The following CHL1 variants were observed in gnomAD, a reference collection of about 807,000 sequenced individuals.
CHL1 encodes neural cell adhesion molecule L1-like protein.
A neutral mutation model predicts 141.9 loss-of-function variants in CHL1; 96 were observed. That is an observed-to-expected ratio of 0.68 (90% confidence interval 0.57 to 0.80). The LOEUF is 0.80. Among genes scored for constraint, CHL1 ranks in the 30% least tolerant of loss-of-function variants. CHL1 has a pLI of 0.00. For missense variants in CHL1, 1,820 were observed against 1,457.2 expected (o/e 1.25, Z -4.05); for synonymous variants, 613 against 502.2 (o/e 1.22, Z -2.95).
At chr3:390,214 T>C (rs1708108251) in intron 20 of CHL1, among the ~76,000 whole-genome samples, 1 of 152,232 alleles carries the variant, frequency 6.6e-6, no homozygotes, top group Non-Finnish European at 1.5e-5. Context: ...GACTGCTCTG[T>C]ATTTGGCTTA....
intron 2 of CHL1, among the ~76,000 whole-genome samples, chr3:306,020 A>C (rs1699197111): frequency 1.3e-5 from 2 of 152,212 alleles, no homozygotes; most frequent in Admixed American, 6.5e-5. Flanking sequence ...ACTGGTTATC[A>C]TGCAAATGAA....
chr3:369,605 A>G (rs1368826967), intron 15 of CHL1, among the ~76,000 whole-genome samples: 1 of 152,192 alleles, frequency 6.6e-6, no homozygotes, highest in East Asian at 1.9e-4. Flanking sequence ...CTTTTGCCTG[A>G]TGGCCCTGGC....
At chr3:297,221 GT>G (rs1313783033) in intron 2 of CHL1, among the ~76,000 whole-genome samples, 9 of 151,928 alleles carry the variant, frequency 5.9e-5, no homozygotes, top group African/African-American at 2.2e-4. Flanking sequence ...GTGAGACCTC[GT>G]CTTAAGAAAA....
intron 1 of CHL1, among the ~76,000 whole-genome samples, chr3:220,733 T>C (rs1052097459): frequency 6.6e-6 from 1 of 152,214 alleles, no homozygotes; most frequent in Non-Finnish European, 1.5e-5. Flanking sequence ...TTTATTAGAC[T>C]ACAACAATGA....
At chr3:373,522 C>G (rs1312629476) in intron 15 of CHL1, 3 of 152,542 alleles carry the variant, frequency 2.0e-5, no homozygotes, top group Non-Finnish European at 4.4e-5. Context: ...AATGTTGCCT[C>G]TCCCCCACCC....
intron 26 of CHL1, among the ~76,000 whole-genome samples, chr3:400,889 C>G (rs1485505598): frequency 7.2e-6 from 1 of 139,750 alleles, no homozygotes; most frequent in East Asian, 2.2e-4. Flanking sequence ...GTATAACAAC[C>G]AAATGACTGC....
chr3:405,411 T>A, intron 27 of CHL1, 84 bp from the exon 28 acceptor site: 2 of 896,276 alleles, frequency 2.2e-6, no homozygotes, highest in South Asian at 1.6e-5. Context: ...AATTATAAAA[T>A]CTTTTATCAC....
chr3:337,903 G>A (rs1380469076), intron 5 of CHL1, among the ~76,000 whole-genome samples: 2 of 152,178 alleles, frequency 1.3e-5, no homozygotes, highest in African/African-American at 4.8e-5. Flanking sequence ...TGGGATGGCT[G>A]GGTCAAATGG....
intron 11 of CHL1, among the ~76,000 whole-genome samples, chr3:358,540 T>C (rs1322862709): frequency 6.6e-6 from 1 of 152,212 alleles, no homozygotes; most frequent in African/African-American, 2.4e-5. Flanking sequence ...TTGTTTTGCC[T>C]ACTTACAGGG....
chr3:291,458 TTTTC>T (rs1215307571), intron 2 of CHL1, among the ~76,000 whole-genome samples: 3 of 151,444 alleles, frequency 2.0e-5, no homozygotes, highest in East Asian at 1.9e-4. Flanking sequence ...TTCTTTTTCT[TTTTC>T]TTTTTTTTAA....
intron 1 of CHL1, among the ~76,000 whole-genome samples, chr3:214,835 ACT>A (rs1223392743): frequency 4.6e-5 from 7 of 152,152 alleles, no homozygotes; most frequent in Non-Finnish European, 1.0e-4. Flanking sequence ...AAATATTATA[ACT>A]CTGTCTTCTG....
intron 9 of CHL1, among the ~76,000 whole-genome samples, chr3:347,744 A>T (rs1016049084): frequency 6.6e-6 from 1 of 152,206 alleles, no homozygotes; most frequent in Non-Finnish European, 1.5e-5. Flanking sequence ...TGAGCTATGC[A>T]TCCTCTTAGG....
At chr3:338,817 G>C (rs1224250672) in intron 5 of CHL1, among the ~76,000 whole-genome samples, 1 of 152,094 alleles carries the variant, frequency 6.6e-6, no homozygotes, top group Non-Finnish European at 1.5e-5. Context: ...TACATTTTCA[G>C]AATTAGAATT....
intron 12 of CHL1, 53 bp downstream of exon 12, chr3:360,477 C>T: frequency 6.3e-7 from 1 of 1,581,850 alleles, no homozygotes; most frequent in African/African-American, 1.3e-5. Flanking sequence ...GGAAAGTGGT[C>T]AAGGTCATGT....
At chr3:329,282 A>G (rs974067284) in intron 5 of CHL1, among the ~76,000 whole-genome samples, 8 of 152,092 alleles carry the variant, frequency 5.3e-5, no homozygotes, top group African/African-American at 1.7e-4. Flanking sequence ...AGTCCTAGAT[A>G]TGAAAGTATT....
chr3:272,898 A>G (rs1401678400), intron 2 of CHL1, among the ~76,000 whole-genome samples: 1 of 152,190 alleles, frequency 6.6e-6, no homozygotes, highest in Non-Finnish European at 1.5e-5. Context: ...TTATGAGAGC[A>G]ACAGTCTAAT....
chr3:332,043 T>TCG lies in CHL1; in HGVS notation c.385+3690_385+3691insGC, dbSNP rs879633956. On this transcript the variant is annotated intron_variant, in intron 5 of 27. Coordinates refer to ENST00000256509, the MANE Select transcript of CHL1 (RefSeq NM_006614.4). ...TAATCCCCTCCTTCGTTGAAGATGC[T>TCG]CTTACTTATGACCAAACAATTCCGT... Among the ~76,000 whole-genome samples, 1,139 of 152,352 alleles carry TCG rather than the reference T, an allele frequency of 7.5e-3. 15 individuals carry two copies. The highest frequency in any genetic ancestry group is 0.026 in the African/African-American group (1,084 of 41,568).
At chr3:198,829 A>G (rs1359524669) in intron 1 of CHL1, among the ~76,000 whole-genome samples, 2 of 152,228 alleles carry the variant, frequency 1.3e-5, no homozygotes, top group Admixed American at 6.5e-5. Context: ...GAATATTTGT[A>G]CTGCACAGTC....
At chr3:228,016 T>C (rs1374822526) in intron 1 of CHL1, among the ~76,000 whole-genome samples, 1 of 152,176 alleles carries the variant, frequency 6.6e-6, no homozygotes, top group Non-Finnish European at 1.5e-5. Flanking sequence ...GATCTATCCA[T>C]CACCCATTCA....
Sources: gnomAD v4.1 joint callset for allele counts (sites outside exome capture counted in the v4.1 genomes callset) on GRCh38, gnomAD v4.1.1 for gene constraint, MANE v1.5 for transcripts, NCBI Gene and HGNC (gene_info 2026-07-23, HGNC 2026-07-21) for gene names.